Variants in POLR1B observed in about 807,000 individuals in gnomAD.
POLR1B encodes the protein RNA polymerase I subunit B, also known as DNA-directed RNA polymerase I subunit RPA2.
A neutral mutation model predicts 105.8 loss-of-function variants in POLR1B; 30 were observed. That is an observed-to-expected ratio of 0.28 (90% CI 0.21 to 0.38). The LOEUF (loss-of-function observed/expected upper bound fraction) is 0.38, where lower values mean the gene tolerates loss of function less well. Among genes scored for constraint, POLR1B ranks in the 10% least tolerant of loss-of-function variants. POLR1B has a pLI of 1.00. For missense variants in POLR1B, 976 were observed against 1,435.8 expected (o/e 0.68, Z 5.17); for synonymous variants, 485 against 505.1 (o/e 0.96, Z 0.53).
rs13424402 is a variant in POLR1B, at chr2:112,558,179, G to A, written c.1330+98G>A. On this transcript the variant is annotated intron_variant, in intron 8 of 14. Coordinates refer to ENST00000263331, the MANE Select transcript of POLR1B (RefSeq NM_019014.6). ...AGTTCTTTTTAAAAGCAAACCCCACGAAAAAAGTAAATTTCTCATAACTAT... is the reference window on the plus strand; with the variant it reads ...AGTTCTTTTTAAAAGCAAACCCCACAAAAAAAGTAAATTTCTCATAACTAT... 5,266 of 976,776 alleles carry A rather than the reference G, an allele frequency of 5.4e-3. 123 individuals carry two copies. In the East Asian group the frequency reaches 0.062, roughly 11 times the overall value. 60.5% of individuals were successfully genotyped at this position (976,776 alleles called of 1,614,324 possible).
At chr2:112,569,846 A>G (rs1220740708) in intron 12 of POLR1B, among the ~76,000 whole-genome samples, 1 of 152,008 alleles carries the variant, frequency 6.6e-6, no homozygotes, top group Non-Finnish European at 1.5e-5. Flanking sequence ...GGCGTGAGCC[A>G]CTGCGCCCGG....
intron 9 of POLR1B, among the ~76,000 whole-genome samples, chr2:112,562,816 C>T (rs1450876038): frequency 4.7e-5 from 7 of 149,636 alleles, no homozygotes; most frequent in African/African-American, 1.7e-4. Flanking sequence ...ACCTCCACCT[C>T]CCAGGTTCAA....
chr2:112,550,042 T>C (rs1262126693), intron 4 of POLR1B, among the ~76,000 whole-genome samples: 1 of 152,264 alleles, frequency 6.6e-6, no homozygotes, highest in Non-Finnish European at 1.5e-5. Flanking sequence ...TTTTTGTTAC[T>C]ACTTATGAAG....
rs532918887 is a variant in POLR1B at position 112,556,696 on chromosome 2, C to T, written c.1159-1214C>T. ...ATGAGTGACCTATGTACATCTTCCA[C>T]GTTTTCTTCCAAATATCAAATATAG... On this transcript the variant is annotated intron_variant, in intron 7 of 14. Coordinates refer to ENST00000263331, the MANE Select transcript of POLR1B (RefSeq NM_019014.6). Among the ~76,000 whole-genome samples the T allele has an allele frequency of 3.3e-5, 5 of 152,300 alleles. No homozygotes were observed. In the South Asian group the frequency reaches 8.3e-4, roughly 25 times the overall value.
intron 9 of POLR1B, among the ~76,000 whole-genome samples, chr2:112,562,800 A>ACCGCAACCTCCACCTCC (rs1553412358): frequency 7.1e-6 from 1 of 140,240 alleles, no homozygotes; most frequent in African/African-American, 2.7e-5. Context: ...ATCTCGGCTC[A>ACCGCAACCTCCACCTCC]CCGCAACCTC....
intron 10 of POLR1B, among the ~76,000 whole-genome samples, chr2:112,564,862 C>T (rs905559188): frequency 6.6e-6 from 1 of 152,094 alleles, no homozygotes; most frequent in Non-Finnish European, 1.5e-5. Flanking sequence ...AAGTTATACC[C>T]CATTGCCTCC....
At position 112,575,116 on chromosome 2, in the gene POLR1B, G is replaced by A; in HGVS notation, c.2795G>A (p.Ser932Asn). The change falls in exon 15 of 15, where the codon AGT becomes AAT. Residue 932 changes from serine to asparagine, a missense_variant. This residue lies in a region of POLR1B where 35 missense variants were observed against 102.5 expected (regional missense o/e 0.34). Coordinates refer to ENST00000263331, the MANE Select transcript of POLR1B (RefSeq NM_019014.6). This position sits in a 1 kb window ranked among gnomAD's most constrained non-coding sequence, Gnocchi z 5.3. ...SRMTIGMLIE[S>N]MAGKSAALHG... ...ATGACCATTGGGATGTTAATTGAGA[G>A]TATGGCCGGGAAGTCTGCAGCTTTG... The A allele has an allele frequency of 6.2e-7, 1 of 1,614,186 alleles. No individual in the cohort carries two copies. The highest frequency in any genetic ancestry group is 8.5e-7 in the Non-Finnish European group (1 of 1,180,040).
intron 13 of POLR1B, among the ~76,000 whole-genome samples, 157 bp from the exon 14 acceptor site, chr2:112,573,405 G>A (rs1293280633): frequency 6.6e-6 from 1 of 152,162 alleles, no homozygotes; most frequent in Non-Finnish European, 1.5e-5. Flanking sequence ...GCCCAGCCAT[G>A]TCTGGGTTTT....
intron 9 of POLR1B, among the ~76,000 whole-genome samples, chr2:112,561,686 A>G (rs1268431139): frequency 1.3e-5 from 2 of 152,168 alleles, no homozygotes; most frequent in African/African-American, 2.4e-5. Flanking sequence ...TCACGTGGTA[A>G]CATTGAATTC....
At chr2:112,574,671 G>A (rs554466228) in intron 14 of POLR1B, among the ~76,000 whole-genome samples, 176 bp from the exon 15 acceptor site, 1 of 147,208 alleles carries the variant, frequency 6.8e-6, no homozygotes, top group African/African-American at 2.5e-5. Context: ...GCAGTGAGCT[G>A]TAATTGCACC....
At position 112,575,798 on chromosome 2, in the gene POLR1B, G is replaced by T; in HGVS notation, c.*69G>T. 1 of 1,480,202 alleles carries T rather than the reference G, an allele frequency of 6.8e-7. No homozygotes were observed. Among genetic ancestry groups the T allele is most frequent in the Non-Finnish European group, 9.1e-7 (1 of 1,097,196 alleles). The allele number at this position is 1,480,202 out of a possible 1,614,324, so 91.7% of individuals were successfully genotyped here. On this transcript the variant is annotated 3_prime_UTR_variant, in exon 15 of 15. Coordinates refer to ENST00000263331, the MANE Select transcript of POLR1B (RefSeq NM_019014.6). This position sits in a 1 kb window ranked among gnomAD's most constrained non-coding sequence, Gnocchi z 5.3. ...CAAAATGTAATTTTAATTCAATGAA[G>T]ATATCATTACCAGGTTACTCTTGAG... is the stretch of plus-strand genomic sequence containing the variant.
intron 12 of POLR1B, among the ~76,000 whole-genome samples, chr2:112,569,868 G>GT (rs879573696): frequency 3.3e-4 from 49 of 150,436 alleles, no homozygotes; most frequent in South Asian, 4.2e-4. Flanking sequence ...CTCAAATTTT[G>GT]TTTTTTTTCA....
chr2:112,560,231 A>G (rs1296950301), intron 9 of POLR1B, among the ~76,000 whole-genome samples: 1 of 152,130 alleles, frequency 6.6e-6, no homozygotes, highest in Non-Finnish European at 1.5e-5. Context: ...TGAGAAAGTG[A>G]GATCCTATCT....
intron 1 of POLR1B, among the ~76,000 whole-genome samples, chr2:112,546,302 C>T (rs1342637450): frequency 6.6e-6 from 1 of 152,144 alleles, no homozygotes. Flanking sequence ...GTCTTAAATC[C>T]TAAAGGATGT....
intron 7 of POLR1B, among the ~76,000 whole-genome samples, chr2:112,555,338 CAAAAAGA>C (rs1246713643): frequency 6.6e-6 from 1 of 151,230 alleles, no homozygotes; most frequent in South Asian, 2.1e-4. Flanking sequence ...GACCTTATCT[CAAAAAGA>C]AAAAAGAAAA....
chr2:112,551,046 T>G, intron 5 of POLR1B, 44 bp downstream of exon 5: 1 of 1,562,238 alleles, frequency 6.4e-7, no homozygotes, highest in South Asian at 1.1e-5. Context: ...AGAAATTCAC[T>G]GGGGGTAGTA....
At position 112,568,131 on chromosome 2, in the gene POLR1B, G is replaced by C. The variant is rs1684400588; in HGVS notation, c.1911G>C (p.Met637Ile). Reference sequence around the variant, plus strand: ...GCAAAGAAGAGCTAATTGGAACTATGGAACAGGTAAATACATATGTGTGAT... The same window carrying C: ...GCAAAGAAGAGCTAATTGGAACTATCGAACAGGTAAATACATATGTGTGAT... ...ALGKEELIGT[M>I]EQIFMNVAIF... is the part of the protein sequence containing the mutation. The change falls in exon 11 of 15, where the codon ATG becomes ATC. Residue 637 changes from methionine to isoleucine, a missense_variant. By Grantham distance (10) the Met-to-Ile change is conservative. Transcript: ENST00000263331. The C allele has an allele frequency of 6.2e-7, 1 of 1,613,392 alleles. No individual in the cohort carries two copies. Among genetic ancestry groups the C allele is most frequent in the Non-Finnish European group, 8.5e-7 (1 of 1,179,452 alleles).
intron 1 of POLR1B, among the ~76,000 whole-genome samples, chr2:112,546,648 G>A (rs1489319373): frequency 7.7e-6 from 1 of 129,670 alleles, no homozygotes; most frequent in Non-Finnish European, 1.6e-5. Flanking sequence ...TGCAGGCTCT[G>A]CCTCCCGGGT....
Position 112,546,918 on chromosome 2 carries a change from A to G in POLR1B, c.178-94A>G, listed in dbSNP as rs140039164. On this transcript the variant is annotated intron_variant, in intron 1 of 14. Transcript: ENST00000263331. Reference sequence around the variant, plus strand: ...GGTGTGTCATGGTGGCATCACAGGCATCAATGTTTGTAGAACACATAAGAT... The same window carrying G: ...GGTGTGTCATGGTGGCATCACAGGCGTCAATGTTTGTAGAACACATAAGAT... 849 of 1,356,342 alleles carry G rather than the reference A, an allele frequency of 6.3e-4. 5 individuals are homozygous for G. In the East Asian group the frequency reaches 0.012, roughly 19 times the overall value. 84.0% of individuals were successfully genotyped at this position (1,356,342 alleles called of 1,614,324 possible).
Sources: gnomAD v4.1 joint callset for allele counts (sites outside exome capture counted in the v4.1 genomes callset) on GRCh38, gnomAD v4.1.1 for gene constraint, gnomAD v4.1.1 regional missense constraint, Gnocchi (gnomAD v3.1) non-coding constraint, MANE v1.5 for transcripts, NCBI Gene and HGNC (gene_info 2026-07-23, HGNC 2026-07-21) for gene names.